KREMEN1: variants seen among roughly 807,000 people sequenced by gnomAD.
KREMEN1 encodes the protein kringle containing transmembrane protein 1, also known as kremen protein 1.
KREMEN1 carries 30 observed loss-of-function variants against 46.5 expected under a neutral mutation model. The observed-to-expected ratio is 0.65, with a 90% CI of 0.48 to 0.88. The LOEUF is 0.88. KREMEN1 is among the 40% of genes least tolerant of loss of function. The pLI is 0.00. For synonymous variants in KREMEN1, 214 were observed against 230.6 expected, an observed-to-expected ratio of 0.93 and a Z score of 0.65; for missense variants, 533 against 596.9, an observed-to-expected ratio of 0.89 and a Z score of 1.11.
intron 1 of KREMEN1, among the ~76,000 whole-genome samples, chr22:29,075,033 G>A (rs968830788): frequency 2.2e-4 from 33 of 152,176 alleles, no homozygotes; most frequent in Admixed American, 1.7e-3. Context: ...AAAAGGCTAA[G>A]CTTGGCTTTA....
At chr22:29,075,883 G>A (rs1369208299) in intron 1 of KREMEN1, among the ~76,000 whole-genome samples, 7 of 152,000 alleles carry the variant, frequency 4.6e-5, no homozygotes, top group African/African-American at 7.3e-5. Flanking sequence ...TTGCATTTTT[G>A]AATGCTGACT....
intron 5 of KREMEN1, among the ~76,000 whole-genome samples, chr22:29,126,872 C>T (rs1184488892): frequency 1.3e-5 from 2 of 152,144 alleles, no homozygotes; most frequent in Non-Finnish European, 1.5e-5. Flanking sequence ...TATGTCCAGA[C>T]CAATGCTTAG....
chr22:29,150,231 G>C (rs908350183), downstream of KREMEN1, among the ~76,000 whole-genome samples: 1 of 151,744 alleles, frequency 6.6e-6, no homozygotes, highest in African/African-American at 2.4e-5. Flanking sequence ...TGGGGGGGGG[G>C]GCAGTGCCTG....
intron 1 of KREMEN1, among the ~76,000 whole-genome samples, chr22:29,078,474 A>T (rs1156633102): frequency 7.3e-6 from 1 of 136,690 alleles, no homozygotes; most frequent in Non-Finnish European, 1.6e-5. Context: ...ACACAGAAAA[A>T]CAGCCAGGAA....
At chr22:29,108,918 T>C (rs190425765) in intron 3 of KREMEN1, among the ~76,000 whole-genome samples, 88 of 152,244 alleles carry the variant, frequency 5.8e-4, no homozygotes, top group Non-Finnish European at 1.0e-3. Flanking sequence ...GTGTCCCAAG[T>C]AGCTGGGACA....
At position 29,099,547 on chromosome 22, in the gene KREMEN1, C is replaced by CTTTTTTTTTTTT. The variant is rs56950687; in HGVS notation, c.352+605_352+616dup. ...TTTATTCCCGTATTCACTTTTTTTC[C>CTTTTTTTTTTTT]TTTTTTTTTTTTTTTTTTTTTTGTG... On this transcript the variant is annotated intron_variant, in intron 3 of 8. Coordinates refer to ENST00000400335, the MANE Select transcript of KREMEN1 (RefSeq NM_001039570.3). 18 of 108,800 alleles carry CTTTTTTTTTTTT rather than the reference C, an allele frequency of 1.7e-4. 2 individuals carry two copies. The highest frequency in any genetic ancestry group is 3.0e-4 in the East Asian group (1 of 3,386). The allele number at this position is 108,800 out of a possible 1,614,324, so 6.7% of individuals were successfully genotyped here.
At chr22:29,106,367 CCCG>C (rs1045519866) in intron 3 of KREMEN1, among the ~76,000 whole-genome samples, 11 of 151,852 alleles carry the variant, frequency 7.2e-5, no homozygotes, top group Admixed American at 7.2e-4. Context: ...ACTCCAGGCG[CCCG>C]CCATCACGCC....
At chr22:29,131,556 A>ATGTGTG (rs1466730126) in intron 5 of KREMEN1, among the ~76,000 whole-genome samples, 13 of 72,050 alleles carry the variant, frequency 1.8e-4, no homozygotes, top group East Asian at 1.3e-3. Flanking sequence ...ATATATATAT[A>ATGTGTG]TATATGTGTG....
rs2038802341 is a variant in KREMEN1 at position 29,143,485 on chromosome 22, G to A, written c.*1373G>A. On this transcript the variant is annotated 3_prime_UTR_variant, in exon 9 of 9. Coordinates refer to ENST00000400335, the MANE Select transcript of KREMEN1 (RefSeq NM_001039570.3). ...GGGCCGGGCGCGGTGGCTCATGCCT[G>A]TAATCCCAGCACTTTGGGAGGCTGA... 3.1e-6 allele frequency: 3 copies of A among 983,242 alleles called. No homozygotes were observed. The highest frequency in any genetic ancestry group is 6.1e-5 in the Admixed American group (1 of 16,268). The allele number at this position is 983,242 out of a possible 1,614,324, so 60.9% of individuals were successfully genotyped here. A position where few individuals can be genotyped will look rare whatever the true frequency, so the allele number is the denominator to read the frequency against.
rs369373585 is a variant in KREMEN1 at position 29,161,393 on chromosome 22, A to G, written c.1417-5651A>G. On this transcript the variant is annotated intron_variant, in intron 9 of 9. Coordinates refer to the KREMEN1 transcript ENST00000327813. The stretch of plus-strand genomic sequence containing the variant: ...GTGGTGGCAGGCGCCTGTAGTCCCA[A>G]CTACTTGGGAGGCTGAGGCAGGAGA... Among the ~76,000 whole-genome samples the G allele has an allele frequency of 1.5e-4, 22 of 150,988 alleles. No individual in the cohort carries two copies. The South Asian group carries it at 2.3e-3, about 16-fold the overall frequency.
At chr22:29,156,552 TCTCC>T (rs1429853732) in intron 9 of KREMEN1, among the ~76,000 whole-genome samples, 2 of 1,290 alleles carry the variant, frequency 1.6e-3, no homozygotes, top group Non-Finnish European at 2.4e-3. Flanking sequence ...CTTGGAATGC[TCTCC>T]GCACAGGAAT....
rs1027503018 is a variant in KREMEN1 at position 29,133,180 on chromosome 22, G to C, written c.632-4162G>C. 1.0e-4 allele frequency among the ~76,000 whole-genome samples: 15 copies of C among 146,346 alleles called. No homozygotes were observed. In the East Asian group the frequency reaches 3.0e-3, roughly 30 times the overall value. ...GGAGAATGGCGTGAACCCAGGAGGT[G>C]AAGCTTGCAGTGAGCAGAGATCGCG... On this transcript the variant is annotated intron_variant, in intron 5 of 8. Coordinates refer to ENST00000400335, the MANE Select transcript of KREMEN1 (RefSeq NM_001039570.3).
Position 29,137,507 on chromosome 22 carries a change from C to T in KREMEN1, c.797C>T (p.Ser266Leu), listed in dbSNP as rs201849592. 1.0e-4 allele frequency: 166 copies of T among 1,611,532 alleles called. No individual in the cohort carries two copies. The highest frequency in any genetic ancestry group is 1.4e-4 in the Non-Finnish European group (160 of 1,177,908). The change falls in exon 6 of 9, where the codon TCG becomes TTG. Residue 266 changes from serine (S) to leucine (L), a missense_variant. Transcript: ENST00000400335. ...FSFPLFDIRD[S>L]ADMVELLDGY... The stretch of plus-strand genomic sequence containing the variant: ...TTCCCCCTATTTGACATCAGGGACT[C>T]GGCGGACATGGTGGAGCTTCTGGAT...
intron 1 of KREMEN1, among the ~76,000 whole-genome samples, chr22:29,083,757 A>C (rs1452949521): frequency 1.3e-5 from 2 of 152,092 alleles, no homozygotes; most frequent in African/African-American, 4.8e-5. Context: ...ACTTGAACCT[A>C]GGAGGCGGAT....
Position 29,125,466 on chromosome 22 carries a change from C to A in KREMEN1, c.631+50C>A, listed in dbSNP as rs779670952. ...TGCCCAAGGCACAGGAACCCTTGGA[C>A]CAGAGCAACAAGCCTGCCCACCCTC... On this transcript the variant is annotated intron_variant, in intron 5 of 8. Transcript: ENST00000400335. 10 of 1,593,636 alleles carry A rather than the reference C, an allele frequency of 6.3e-6. No homozygotes were observed. In the African/African-American group the frequency reaches 1.3e-4, roughly 21 times the overall value.
In KREMEN1 at chr22:29,144,630, T is replaced by A. The variant is rs988757420; in HGVS notation, c.*2518T>A. 10 of 985,438 alleles carry A rather than the reference T, an allele frequency of 1.0e-5. No homozygotes were observed. The African/African-American group carries it at 1.6e-4, about 15-fold the overall frequency. 61.0% of individuals were successfully genotyped at this position (985,438 alleles called of 1,614,324 possible). A position where few individuals can be genotyped will look rare whatever the true frequency, so the allele number is the denominator to read the frequency against. On this transcript the variant is annotated 3_prime_UTR_variant, in exon 9 of 9. Transcript: ENST00000400335. ...CTCTCAAACATAAGTGTCAGGTGTG[T>A]GTCGTCCCAACGGGTCCTGTGCTGT...
intron 9 of KREMEN1, among the ~76,000 whole-genome samples, chr22:29,157,952 T>G (rs2038977816): frequency 6.6e-6 from 1 of 152,208 alleles, no homozygotes; most frequent in South Asian, 2.1e-4. Flanking sequence ...CATTTCATTG[T>G]CTGTTACAGG....
At chr22:29,123,682 C>G (rs757880674) in intron 4 of KREMEN1, among the ~76,000 whole-genome samples, 1 of 152,270 alleles carries the variant, frequency 6.6e-6, no homozygotes, top group African/African-American at 2.4e-5. Flanking sequence ...CCCAGTTACT[C>G]GGGAAGCTGA....
At chr22:29,120,389 AAC>A (rs767143923) in intron 3 of KREMEN1, among the ~76,000 whole-genome samples, 130 of 106,556 alleles carry the variant, frequency 1.2e-3, no homozygotes, top group East Asian at 4.0e-3. Context: ...TGATAATGGA[AAC>A]AGGGAGGAGG....
Sources: allele counts gnomAD v4.1 joint callset (sites outside exome capture counted in the v4.1 genomes callset), GRCh38; gene constraint gnomAD v4.1.1; transcripts MANE v1.5; gene names NCBI Gene and HGNC (gene_info 2026-07-23, HGNC 2026-07-21).